The following NRXN1 variants were observed in gnomAD, a reference collection of about 807,000 sequenced individuals.
NRXN1 encodes neurexin-1.
Under a neutral mutation model 150.9 loss-of-function variants are expected in NRXN1, and 39 were observed. That is an observed-to-expected ratio of 0.26 (90% CI 0.20 to 0.34). NRXN1 has a LOEUF of 0.34. Ranked by LOEUF, NRXN1 falls within the 10% of genes least tolerant of loss-of-function variation. The pLI is 1.00. For synonymous variants in NRXN1, 924 were observed against 757.0 expected, an observed-to-expected ratio of 1.22 and a Z score of -3.62; for missense variants, 1,815 against 1,949.9, an observed-to-expected ratio of 0.93 and a Z score of 1.30.
chr2:50,388,487 T>A (rs935361465), intron 17 of NRXN1, among the ~76,000 whole-genome samples: 2 of 152,098 alleles, frequency 1.3e-5, no homozygotes, highest in African/African-American at 2.4e-5. Context: ...AATGCTGTAT[T>A]TATCTTTATT....
At chr2:50,641,624 T>C (rs1219208055) in intron 5 of NRXN1, among the ~76,000 whole-genome samples, 1 of 152,122 alleles carries the variant, frequency 6.6e-6, no homozygotes, top group Non-Finnish European at 1.5e-5. Flanking sequence ...GGCCTCTTGG[T>C]GCTGTGGGCA....
chr2:50,801,517 C>T (rs185048689), intron 5 of NRXN1, among the ~76,000 whole-genome samples: 3 of 152,120 alleles, frequency 2.0e-5, no homozygotes, highest in Admixed American at 6.5e-5. Context: ...GGACTAAATG[C>T]GAGGACTAAA....
chr2:50,500,050 C>G (rs1163915687), intron 13 of NRXN1, among the ~76,000 whole-genome samples: 1 of 151,896 alleles, frequency 6.6e-6, no homozygotes, highest in African/African-American at 2.4e-5. Context: ...TGACCCCTAC[C>G]CTGATCCTGA....
intron 5 of NRXN1, among the ~76,000 whole-genome samples, chr2:50,883,813 C>A (rs958519512): frequency 6.6e-6 from 1 of 151,716 alleles, no homozygotes; most frequent in African/African-American, 2.4e-5. Context: ...AGTCTCCTGA[C>A]ACAGAAGCCT....
chr2:50,840,930 A>T (rs1299448900), intron 5 of NRXN1: 1 of 152,272 alleles, frequency 6.6e-6, no homozygotes, highest in African/African-American at 2.4e-5. Context: ...TACTTCCCTC[A>T]ACCCCCATTT....
chr2:50,814,643 C>T (rs1208397322), intron 5 of NRXN1, among the ~76,000 whole-genome samples: 1 of 152,000 alleles, frequency 6.6e-6, no homozygotes, highest in Non-Finnish European at 1.5e-5. Context: ...TAAAATTTTG[C>T]CCAGTTAACT....
intron 8 of NRXN1, among the ~76,000 whole-genome samples, chr2:50,610,787 C>T (rs1677986000): frequency 6.9e-6 from 1 of 145,556 alleles, no homozygotes; most frequent in Non-Finnish European, 1.5e-5. Flanking sequence ...TATATACACA[C>T]ACACATACAT....
At chr2:50,650,827 A>G (rs185763832) in intron 5 of NRXN1, among the ~76,000 whole-genome samples, 4 of 152,238 alleles carry the variant, frequency 2.6e-5, no homozygotes. Flanking sequence ...GTCAAGAAGT[A>G]CAAAGTGATC....
At chr2:49,997,991 G>A (rs1045731725) in intron 21 of NRXN1, among the ~76,000 whole-genome samples, 1 of 152,108 alleles carries the variant, frequency 6.6e-6, no homozygotes, top group Non-Finnish European at 1.5e-5. Flanking sequence ...AAATGCTGCT[G>A]CATTGCTTTT....
Position 50,472,346 on chromosome 2 carries a change from T to C in NRXN1, c.3196A>G (p.Ile1066Val). ...CCGTTGCAGAAAAGAGCATCGGAGA[T>C]GAGGTCCGGAAGCCGTCCATTTAAA... ...VDLNGRLPDL[I>V]SDALFCNGQI... The change falls in exon 16 of 23, where the codon ATC (isoleucine) becomes GTC (valine). Residue 1066 changes from isoleucine to valine, a missense_variant. Around this residue, in one of 6 missense-constraint regions of NRXN1, gnomAD observed 339 missense variants for 440.3 expected, o/e 0.77. Transcript: ENST00000401669. The C allele has an allele frequency of 1.2e-6, 2 of 1,611,650 alleles. No homozygotes were observed. The highest frequency in any genetic ancestry group is 1.7e-6 in the Non-Finnish European group (2 of 1,178,622).
intron 21 of NRXN1, chr2:50,019,413 G>C (rs866693899): frequency 1.4e-5 from 6 of 440,428 alleles, no homozygotes; most frequent in South Asian, 8.2e-5. Flanking sequence ...GGGAGGCCGA[G>C]GTGGGTGGAT....
At chr2:50,743,156 C>T (rs1333136080) in intron 5 of NRXN1, among the ~76,000 whole-genome samples, 1 of 152,090 alleles carries the variant, frequency 6.6e-6, no homozygotes, top group Non-Finnish European at 1.5e-5. Context: ...TTTGATTTTA[C>T]TTTTGCATTA....
intron 18 of NRXN1, among the ~76,000 whole-genome samples, chr2:50,234,787 G>A (rs142512521): frequency 6.6e-6 from 1 of 151,894 alleles, no homozygotes; most frequent in Admixed American, 6.6e-5. Context: ...CAAAGAGAAC[G>A]ACCAGGCAAG....
chr2:50,736,693 C>T (rs369578526), intron 5 of NRXN1, among the ~76,000 whole-genome samples: 16 of 152,060 alleles, frequency 1.1e-4, no homozygotes, highest in African/African-American at 1.9e-4. Flanking sequence ...ACATGCCTTT[C>T]GCCTTCTGCC....
At chr2:50,748,887 G>A (rs868213080) in intron 5 of NRXN1, among the ~76,000 whole-genome samples, 39 of 152,134 alleles carry the variant, frequency 2.6e-4, no homozygotes, top group African/African-American at 8.9e-4. Flanking sequence ...GTCTGGTTTC[G>A]GTTTTGGAGG....
intron 10 of NRXN1, among the ~76,000 whole-genome samples, chr2:50,537,085 T>A (rs1022871224): frequency 6.6e-6 from 1 of 152,164 alleles, no homozygotes; most frequent in Non-Finnish European, 1.5e-5. Flanking sequence ...TTGATGTACC[T>A]CCTTTTTAAG....
intron 2 of NRXN1, among the ~76,000 whole-genome samples, chr2:50,957,134 T>A (rs1325955091): frequency 6.6e-6 from 1 of 152,156 alleles, no homozygotes; most frequent in African/African-American, 2.4e-5. Context: ...TCTCAAGATT[T>A]GTGCCCTTGG....
At chr2:50,427,083 A>G (rs1450261003) in intron 17 of NRXN1, among the ~76,000 whole-genome samples, 1 of 152,166 alleles carries the variant, frequency 6.6e-6, no homozygotes, top group Non-Finnish European at 1.5e-5. Context: ...CTCACAAACT[A>G]AAAGGGTGGA....
In NRXN1 at chr2:50,901,538, G is replaced by A. The variant is rs192187788; in HGVS notation, c.832+20331C>T. 3.8e-3 allele frequency among the ~76,000 whole-genome samples: 573 copies of A among 151,916 alleles called. 5 individuals are homozygous for A. Among genetic ancestry groups the A allele is most frequent in the African/African-American group, 0.013 (538 of 41,436 alleles). ...GGTGACAGAGCGAGACTCCGTCCCC[G>A]CAAAAAAAGAAAGAAAATAAAGATG... On this transcript the variant is annotated intron_variant, in intron 5 of 22. Coordinates refer to ENST00000401669, the MANE Select transcript of NRXN1 (RefSeq NM_001330078.2).
Sources: gnomAD v4.1 joint callset for allele counts (sites outside exome capture counted in the v4.1 genomes callset) on GRCh38, gnomAD v4.1.1 for gene constraint, gnomAD v4.1.1 regional missense constraint, MANE v1.5 for transcripts, NCBI Gene and HGNC (gene_info 2026-07-23, HGNC 2026-07-21) for gene names.